The following RMND1 variants were observed in gnomAD, a reference collection of about 807,000 sequenced individuals.
RMND1 encodes the protein required for meiotic nuclear division 1 homolog.
A neutral mutation model predicts 54.0 loss-of-function variants in RMND1; 41 were observed. That is an observed-to-expected ratio of 0.76 (90% CI 0.59 to 0.98). The LOEUF is 0.98. RMND1 is among the 50% of genes least tolerant of loss of function. The probability of loss-of-function intolerance (pLI) is 0.00; values close to 1 mark genes in which losing one functional copy is unlikely to be tolerated. For synonymous variants in RMND1, 183 were observed against 181.7 expected (o/e 1.01, Z -0.06); for missense variants, 457 against 532.0 (o/e 0.86, Z 1.39).
At chr6:151,448,646 T>C (rs909764597) in intron 1 of RMND1, among the ~76,000 whole-genome samples, 7 of 152,240 alleles carry the variant, frequency 4.6e-5, no homozygotes, top group African/African-American at 1.7e-4. Context: ...ATCCTTCCCA[T>C]GGATTATTAT....
chr6:151,436,392 G>A (rs762808850), intron 3 of RMND1, 54 bp downstream of exon 3: 1 of 1,603,986 alleles, frequency 6.2e-7, no homozygotes, highest in African/African-American at 1.3e-5. Context: ...AGTATCATAG[G>A]AAAATTATCC....
chr6:151,419,454 T>C (rs934601526), intron 9 of RMND1, among the ~76,000 whole-genome samples: 3 of 151,756 alleles, frequency 2.0e-5, no homozygotes, highest in Admixed American at 1.3e-4. Flanking sequence ...TCCCAGCACT[T>C]TGGGAGGCCT....
At chr6:151,415,770 G>C (rs959638081) in intron 10 of RMND1, among the ~76,000 whole-genome samples, 1 of 137,872 alleles carries the variant, frequency 7.3e-6, no homozygotes, top group African/African-American at 2.8e-5. Context: ...TCCAGCCTGG[G>C]CAACAGAGCA....
chr6:151,449,300 T>C (rs1413499254), intron 1 of RMND1, among the ~76,000 whole-genome samples: 3 of 129,654 alleles, frequency 2.3e-5, no homozygotes, highest in Non-Finnish European at 4.8e-5. Flanking sequence ...ACCCGGGAGG[T>C]GGAGGTTGCA....
intron 8 of RMND1, among the ~76,000 whole-genome samples, chr6:151,422,184 T>C (rs1334728055): frequency 6.6e-6 from 1 of 152,146 alleles, no homozygotes; most frequent in Non-Finnish European, 1.5e-5. Context: ...ATTGACAGTA[T>C]TTTGAGAAAA....
chr6:151,415,389 G>A (rs1779973392), intron 10 of RMND1, among the ~76,000 whole-genome samples: 1 of 151,648 alleles, frequency 6.6e-6, no homozygotes, highest in South Asian at 2.1e-4. Context: ...ATATACGTAA[G>A]ATGTAATAAC....
chr6:151,444,348 A>C (rs1221355189), intron 2 of RMND1: 1 of 152,222 alleles, frequency 6.6e-6, no homozygotes, highest in Non-Finnish European at 1.5e-5. Context: ...TTCATCCTTC[A>C]CGTCCTGAGT....
chr6:151,408,617 GAAATT>G (rs1779709144), intron 10 of RMND1: 2 of 152,198 alleles, frequency 1.3e-5, no homozygotes, highest in Admixed American at 1.3e-4. Context: ...GATTGTATAA[GAAATT>G]AAAGTTATTA....
intron 3 of RMND1, among the ~76,000 whole-genome samples, chr6:151,433,700 T>C (rs572699009): frequency 1.3e-5 from 2 of 152,022 alleles, no homozygotes. Flanking sequence ...TTTTAAAGTA[T>C]AAAAAGTAGG....
At position 151,405,286 on chromosome 6, in the gene RMND1, AAT is replaced by A; in HGVS notation, c.1318-21_1318-20del. 4 of 1,610,526 alleles carry A rather than the reference AAT, an allele frequency of 2.5e-6. No homozygotes were observed. The highest frequency in any genetic ancestry group is 3.4e-6 in the Non-Finnish European group (4 of 1,177,008). ...ACATTACCTTAGAATAGAAAGTGAG[AAT>A]TATTTCATGACGGGCAAATTATGGG... On this transcript the variant is annotated intron_variant, in intron 11 of 11. Coordinates refer to ENST00000444024, the MANE Select transcript of RMND1 (RefSeq NM_017909.4).
chr6:151,414,377 G>A (rs1010954181), intron 10 of RMND1, among the ~76,000 whole-genome samples: 1 of 152,190 alleles, frequency 6.6e-6, no homozygotes, highest in Non-Finnish European at 1.5e-5. Context: ...GAAGGACCTT[G>A]TATATCAAGC....
chr6:151,420,009 A>G (rs1780113055), intron 9 of RMND1, among the ~76,000 whole-genome samples: 1 of 152,128 alleles, frequency 6.6e-6, no homozygotes, highest in East Asian at 1.9e-4. Flanking sequence ...TGCCATGTTT[A>G]TTTTCACAGA....
chr6:151,438,483 G>A (rs1008680490), intron 2 of RMND1, among the ~76,000 whole-genome samples: 12 of 152,176 alleles, frequency 7.9e-5, no homozygotes, highest in African/African-American at 1.9e-4. Flanking sequence ...AAATGGCAGA[G>A]GCTGTCTCTT....
chr6:151,410,385 A>C (rs1779794335), intron 10 of RMND1, among the ~76,000 whole-genome samples: 1 of 152,086 alleles, frequency 6.6e-6, no homozygotes, highest in South Asian at 2.1e-4. Context: ...AAGACTGTAA[A>C]GCTGGCTGAA....
intron 1 of RMND1, among the ~76,000 whole-genome samples, chr6:151,451,268 T>C (rs1280121751): frequency 2.0e-5 from 3 of 151,994 alleles, no homozygotes; most frequent in South Asian, 4.1e-4. Context: ...CATTTCTCCA[T>C]TGTTTAACAT....
intron 10 of RMND1, chr6:151,408,873 T>C (rs1483708927): frequency 6.6e-6 from 1 of 152,214 alleles, no homozygotes; most frequent in African/African-American, 2.4e-5. Context: ...ATCAACATCT[T>C]AACTTTAGGC....
chr6:151,408,238 T>C (rs1457741939), intron 10 of RMND1, among the ~76,000 whole-genome samples: 1 of 152,092 alleles, frequency 6.6e-6, no homozygotes, highest in African/African-American at 2.4e-5. Context: ...CTCCCATCTG[T>C]AATCTCAGCA....
At chr6:151,431,058 G>A (rs922663087) in intron 4 of RMND1, among the ~76,000 whole-genome samples, 1 of 152,056 alleles carries the variant, frequency 6.6e-6, no homozygotes, top group Non-Finnish European at 1.5e-5. Flanking sequence ...AGTGCTACAA[G>A]AGTATGCAGA....
In RMND1 at chr6:151,443,443, C is replaced by T. The variant is rs146732600; in HGVS notation, c.504+1865G>A. On this transcript the variant is annotated intron_variant, in intron 2 of 11. Coordinates refer to ENST00000444024, the MANE Select transcript of RMND1 (RefSeq NM_017909.4). ...TCTCCTGCCTCAGCCTCCCGAGCCGCTGGGATTACAGGTGTGCACCACTAC... is the reference window on the plus strand; with the variant it reads ...TCTCCTGCCTCAGCCTCCCGAGCCGTTGGGATTACAGGTGTGCACCACTAC... Among the ~76,000 whole-genome samples, 5 of 152,244 alleles carry T rather than the reference C, an allele frequency of 3.3e-5. No homozygotes were observed. In the East Asian group the frequency reaches 9.7e-4, roughly 29 times the overall value.
Sources: gnomAD v4.1 joint callset for allele counts (sites outside exome capture counted in the v4.1 genomes callset) on GRCh38, gnomAD v4.1.1 for gene constraint, MANE v1.5 for transcripts, NCBI Gene and HGNC (gene_info 2026-07-23, HGNC 2026-07-21) for gene names.